The following GJC1 variants were observed in gnomAD, a reference collection of about 807,000 sequenced individuals.
GJC1 encodes the protein gap junction protein gamma 1.
In GJC1, 5 loss-of-function variants were observed where a neutral mutation model predicts 29.3. The observed-to-expected ratio is 0.17, with a 90% CI of 0.09 to 0.36. The LOEUF is 0.36. Among genes scored for constraint, GJC1 ranks in the 10% least tolerant of loss-of-function variants. The pLI, the probability that GJC1 is intolerant of heterozygous loss-of-function variation, is 1.00. For missense variants in GJC1, 310 were observed against 496.2 expected (o/e 0.62, Z 3.56); for synonymous variants, 177 against 183.3 (o/e 0.97, Z 0.28).
chr17:44,801,476 G>A lies in GJC1; in HGVS notation c.*3151C>T. 6.6e-6 allele frequency: 1 copy of A among 152,226 alleles called. No homozygotes were observed. The highest frequency in any genetic ancestry group is 1.9e-4 in the East Asian group (1 of 5,204). The allele number at this position is 152,226 out of a possible 1,614,324, so 9.4% of individuals were successfully genotyped here. A position where few individuals can be genotyped will look rare whatever the true frequency, so the allele number is the denominator to read the frequency against. ...TCAAAACAGTATGATTCTGATGCGA[G>A]TGAGAACTAAATGTTGGACAGGCTT... On this transcript the variant is annotated 3_prime_UTR_variant, in exon 3 of 3. Coordinates refer to ENST00000592524, the MANE Select transcript of GJC1 (RefSeq NM_005497.4).
chr17:44,808,965 T>G (rs1332578411), intron 1 of GJC1, among the ~76,000 whole-genome samples: 2 of 151,984 alleles, frequency 1.3e-5, no homozygotes, highest in African/African-American at 4.8e-5. Flanking sequence ...TCCCAGCTAT[T>G]TGGGAGGCTG....
In GJC1 at chr17:44,804,313, G is replaced by A; in HGVS notation, c.*314C>T. On this transcript the variant is annotated 3_prime_UTR_variant, in exon 3 of 3. Coordinates refer to ENST00000592524, the MANE Select transcript of GJC1 (RefSeq NM_005497.4). ...AAGTTCTCATACTAAAAAAAAAAAA[G>A]TACCATAATACTGTACATACAAAAA... 1 of 217,936 alleles carries A rather than the reference G, an allele frequency of 4.6e-6. No homozygotes were observed. Among genetic ancestry groups the A allele is most frequent in the Admixed American group, 5.5e-5 (1 of 18,260 alleles). 13.5% of individuals were successfully genotyped at this position (217,936 alleles called of 1,614,324 possible). A position where few individuals can be genotyped will look rare whatever the true frequency, so the allele number is the denominator to read the frequency against.
intron 1 of GJC1, among the ~76,000 whole-genome samples, chr17:44,809,837 G>T (rs558319887): frequency 6.6e-6 from 1 of 151,462 alleles, no homozygotes; most frequent in Non-Finnish European, 1.5e-5. Flanking sequence ...GAAGTGCTGG[G>T]ATTACAGGCG....
intron 1 of GJC1, among the ~76,000 whole-genome samples, chr17:44,813,993 A>G (rs2050013943): frequency 6.6e-6 from 1 of 152,178 alleles, no homozygotes; most frequent in South Asian, 2.1e-4. Flanking sequence ...ATACTCCTCC[A>G]GAGAAATTAA....
At chr17:44,811,255 A>ATTTT (rs1227180502) in intron 1 of GJC1, among the ~76,000 whole-genome samples, 1 of 150,554 alleles carries the variant, frequency 6.6e-6, no homozygotes, top group African/African-American at 2.5e-5. Flanking sequence ...CTAATTTTGT[A>ATTTT]TTTTTAGTAG....
intron 1 of GJC1, among the ~76,000 whole-genome samples, chr17:44,812,083 G>A (rs1023267737): frequency 1.3e-5 from 2 of 151,894 alleles, no homozygotes; most frequent in South Asian, 4.1e-4. Flanking sequence ...GGGAGCCCAA[G>A]GCGGATGGAT....
At position 44,830,216 on chromosome 17, in the gene GJC1, G is replaced by A. The variant is rs1339311270; in HGVS notation, c.-251C>T. ...GCCTTCGCCTCAGTCTCCAGCCGAGGCAGAAGCCGCTCCCGCCGCTGCCGC... is the reference window on the plus strand; with the variant it reads ...GCCTTCGCCTCAGTCTCCAGCCGAGACAGAAGCCGCTCCCGCCGCTGCCGC... On this transcript the variant is annotated 5_prime_UTR_variant, in exon 1 of 3. Transcript: ENST00000592524. The surrounding 1 kb of genome is among the most constrained non-coding windows in gnomAD (Gnocchi z 4.3). 8.7e-5 allele frequency: 14 copies of A among 160,028 alleles called. No individual in the cohort carries two copies. The highest frequency in any genetic ancestry group is 1.6e-4 in the Non-Finnish European group (12 of 74,898). 9.9% of individuals were successfully genotyped at this position (160,028 alleles called of 1,614,324 possible). A position where few individuals can be genotyped will look rare whatever the true frequency, so the allele number is the denominator to read the frequency against.
In GJC1 at chr17:44,827,683, A is replaced by ATGTAAG. The variant is rs535234535; in HGVS notation, c.-97+2378_-97+2379insCTTACA. On this transcript the variant is annotated intron_variant, in intron 1 of 2. Coordinates refer to ENST00000592524, the MANE Select transcript of GJC1 (RefSeq NM_005497.4). The stretch of plus-strand genomic sequence containing the variant: ...CACGGTGGCTCACGCCTGTAATCCC[A>ATGTAAG]GCACTCTGGGAGGCCGAGGCGGGAG... 2.2e-3 allele frequency among the ~76,000 whole-genome samples: 330 copies of ATGTAAG among 152,288 alleles called. 1 individual carries two copies. The highest frequency in any genetic ancestry group is 7.4e-3 in the African/African-American group (309 of 41,564).
intron 1 of GJC1, among the ~76,000 whole-genome samples, 200 bp downstream of exon 1, chr17:44,829,862 G>A (rs879651778): frequency 3.3e-5 from 5 of 152,130 alleles, no homozygotes; most frequent in Non-Finnish European, 7.4e-5. Flanking sequence ...GGCAGGACGC[G>A]GGCCGGCGAC....
chr17:44,829,205 G>C (rs901140171), intron 1 of GJC1, among the ~76,000 whole-genome samples: 1 of 151,922 alleles, frequency 6.6e-6, no homozygotes, highest in Admixed American at 6.6e-5. Flanking sequence ...ATTTCGCAAA[G>C]GAAAAGTACT....
At position 44,802,295 on chromosome 17, in the gene GJC1, C is replaced by A. The variant is rs1247423678; in HGVS notation, c.*2332G>T. Reference sequence around the variant, plus strand: ...CCTGTATCATTCTCAAATCCCCAGCCTTTCCACTGGGCAAAGCCACTCTCT... The same window carrying A: ...CCTGTATCATTCTCAAATCCCCAGCATTTCCACTGGGCAAAGCCACTCTCT... On this transcript the variant is annotated 3_prime_UTR_variant, in exon 3 of 3. Transcript: ENST00000592524. 6.6e-6 allele frequency: 1 copy of A among 152,158 alleles called. No individual in the cohort carries two copies. Among genetic ancestry groups the A allele is most frequent in the African/African-American group, 2.4e-5 (1 of 41,432 alleles). The allele number at this position is 152,158 out of a possible 1,614,324, so 9.4% of individuals were successfully genotyped here.
At chr17:44,816,021 G>C (rs1476824904) in intron 1 of GJC1, among the ~76,000 whole-genome samples, 1 of 146,912 alleles carries the variant, frequency 6.8e-6, no homozygotes, top group East Asian at 2.1e-4. Flanking sequence ...GCTGAGGCAG[G>C]AGAATGGTGT....
intron 1 of GJC1, among the ~76,000 whole-genome samples, chr17:44,823,349 T>G (rs1390876545): frequency 6.6e-6 from 1 of 150,724 alleles, no homozygotes; most frequent in Non-Finnish European, 1.5e-5. Flanking sequence ...CCTCCCGGGT[T>G]CAAGTGATTC....
rs1244894811 is a variant in GJC1 at position 44,801,271 on chromosome 17, C to G, written c.*3356G>C. On this transcript the variant is annotated 3_prime_UTR_variant, in exon 3 of 3. Transcript: ENST00000592524. ...TGCACTCCAGCCTGAGCGACAAGAG[C>G]AAGACTCTGTCTTAAGAAAAAAAAG... 3 of 152,046 alleles carry G rather than the reference C, an allele frequency of 2.0e-5. No homozygotes were observed. The highest frequency in any genetic ancestry group is 4.4e-5 in the Non-Finnish European group (3 of 68,042). 9.4% of individuals were successfully genotyped at this position (152,046 alleles called of 1,614,324 possible).
rs533261441 is a variant in GJC1, at chr17:44,812,217, G to A, written c.-96-4748C>T. The stretch of plus-strand genomic sequence containing the variant: ...TAGTCCCAGCTACTCAGGACTACAA[G>A]CTGAGGCTGAGGCAGGAGAATGGCT... On this transcript the variant is annotated intron_variant, in intron 1 of 2. Coordinates refer to ENST00000592524, the MANE Select transcript of GJC1 (RefSeq NM_005497.4). 3.3e-5 allele frequency among the ~76,000 whole-genome samples: 5 copies of A among 150,880 alleles called. No individual in the cohort carries two copies. The East Asian group carries it at 9.9e-4, about 30-fold the overall frequency.
chr17:44,828,908 A>C (rs1045040480), intron 1 of GJC1, among the ~76,000 whole-genome samples: 1 of 152,036 alleles, frequency 6.6e-6, no homozygotes, highest in Non-Finnish European at 1.5e-5. Context: ...ATATTAAAGT[A>C]CTGGAGATAT....
At chr17:44,807,108 A>G (rs531230531) in intron 2 of GJC1, among the ~76,000 whole-genome samples, 2 of 152,342 alleles carry the variant, frequency 1.3e-5, no homozygotes, top group South Asian at 4.1e-4. Context: ...TATTTATGGT[A>G]GACATTAAAA....
At chr17:44,795,291 G>A (rs1396258823), downstream of GJC1, among the ~76,000 whole-genome samples, 1 of 152,114 alleles carries the variant, frequency 6.6e-6, no homozygotes, top group Non-Finnish European at 1.5e-5. Flanking sequence ...GCAGTGGTGC[G>A]ATCTTGACTC....
intron 1 of GJC1, among the ~76,000 whole-genome samples, chr17:44,811,761 T>G (rs1432804447): frequency 6.6e-6 from 1 of 151,942 alleles, no homozygotes; most frequent in Non-Finnish European, 1.5e-5. Context: ...CCCAGCACTT[T>G]GGGAGGCTGA....
Sources: allele counts gnomAD v4.1 joint callset (sites outside exome capture counted in the v4.1 genomes callset), GRCh38; gene constraint gnomAD v4.1.1; non-coding constraint Gnocchi (gnomAD v3.1); transcripts MANE v1.5; gene names NCBI Gene and HGNC (gene_info 2026-07-23, HGNC 2026-07-21).